Variants in TBCK observed in about 807,000 individuals in gnomAD.
The protein encoded by TBCK is TBC1 domain containing kinase.
In TBCK, 99 loss-of-function variants were observed where a neutral mutation model predicts 113.4. The observed-to-expected ratio is 0.87, with a 90% CI of 0.74 to 1.03. The LOEUF (loss-of-function observed/expected upper bound fraction) is 1.03, where lower values mean the gene tolerates loss of function less well. TBCK is among the 50% of genes least tolerant of loss of function. The pLI, the probability that TBCK is intolerant of heterozygous loss-of-function variation, is 0.00. For synonymous variants in TBCK, 369 were observed against 370.8 expected, an observed-to-expected ratio of 1.00 and a Z score of 0.05; for missense variants, 1,045 against 1,061.3, an observed-to-expected ratio of 0.98 and a Z score of 0.21.
intron 24 of TBCK, among the ~76,000 whole-genome samples, chr4:106,115,411 G>A (rs569542352): frequency 1.1e-4 from 17 of 152,202 alleles, no homozygotes; most frequent in Admixed American, 3.3e-4. Flanking sequence ...GCCAATTTTA[G>A]CATATAAGAA....
At chr4:106,210,582 T>A (rs986036331) in intron 20 of TBCK, among the ~76,000 whole-genome samples, 1 of 152,178 alleles carries the variant, frequency 6.6e-6, no homozygotes, top group Non-Finnish European at 1.5e-5. Context: ...TTAGAACACA[T>A]TTTAACTGAT....
intron 22 of TBCK, among the ~76,000 whole-genome samples, chr4:106,177,758 T>G (rs1453428219): frequency 6.6e-6 from 1 of 151,862 alleles, no homozygotes; most frequent in African/African-American, 2.4e-5. Context: ...TGGGAATTAG[T>G]GTGAGGCCTC....
intron 19 of TBCK, among the ~76,000 whole-genome samples, chr4:106,214,585 C>T (rs566385663): frequency 2.8e-4 from 43 of 151,850 alleles, no homozygotes; most frequent in African/African-American, 8.7e-4. Flanking sequence ...CGTCAGGAGC[C>T]GATGCGATCA....
intron 23 of TBCK, among the ~76,000 whole-genome samples, chr4:106,137,768 A>G (rs1386159571): frequency 7.1e-6 from 1 of 141,042 alleles, no homozygotes; most frequent in African/African-American, 2.5e-5. Context: ...TATGAAATAT[A>G]AAGAAAAGTA....
At chr4:106,256,270 C>CT (rs1346995134) in intron 5 of TBCK, among the ~76,000 whole-genome samples, 3 of 152,298 alleles carry the variant, frequency 2.0e-5, no homozygotes, top group Non-Finnish European at 2.9e-5. Flanking sequence ...ACCCAGGAAC[C>CT]TGTCTGACTC....
At chr4:106,239,897 C>T (rs771365044) in intron 12 of TBCK, among the ~76,000 whole-genome samples, 3 of 151,920 alleles carry the variant, frequency 2.0e-5, no homozygotes, top group Non-Finnish European at 4.4e-5. Context: ...TAGTATACCC[C>T]TGATACCAAA....
chr4:106,066,530 A>G (rs189563644), intron 25 of TBCK, among the ~76,000 whole-genome samples: 1 of 152,126 alleles, frequency 6.6e-6, no homozygotes, highest in Admixed American at 6.6e-5. Flanking sequence ...TAAAACATAT[A>G]TAACATAAAA....
At chr4:106,193,260 A>T (rs1434700118) in intron 22 of TBCK, among the ~76,000 whole-genome samples, 1 of 152,170 alleles carries the variant, frequency 6.6e-6, no homozygotes, top group Admixed American at 6.5e-5. Context: ...ATTCTTAAAC[A>T]CCTTCCCAAG....
chr4:106,120,032 T>A lies in TBCK; in HGVS notation c.2236-3654A>T, dbSNP rs988521126. On this transcript the variant is annotated intron_variant, in intron 23 of 25. Transcript: ENST00000394708. Reference sequence around the variant, plus strand: ...CTGAGCGACGCAGAAGATGGGTGATTTCTGCATTTCCATCTGAGGTACCGG... The same window carrying A: ...CTGAGCGACGCAGAAGATGGGTGATATCTGCATTTCCATCTGAGGTACCGG... Among the ~76,000 whole-genome samples, 7 of 152,176 alleles carry A rather than the reference T, an allele frequency of 4.6e-5. No individual in the cohort carries two copies. In the East Asian group the frequency reaches 9.7e-4, roughly 21 times the overall value.
chr4:106,166,121 T>C (rs1205940905), intron 23 of TBCK, among the ~76,000 whole-genome samples: 1 of 151,778 alleles, frequency 6.6e-6, no homozygotes, highest in Non-Finnish European at 1.5e-5. Context: ...ATATTCTTTT[T>C]ACAGCATGCA....
intron 19 of TBCK, among the ~76,000 whole-genome samples, chr4:106,222,996 A>T (rs1017715281): frequency 8.5e-5 from 13 of 152,146 alleles, no homozygotes; most frequent in Non-Finnish European, 1.5e-4. Context: ...GAGCCCACTT[A>T]ATAGTTATCA....
At chr4:106,149,046 A>G (rs1197382080) in intron 23 of TBCK, among the ~76,000 whole-genome samples, 2 of 152,148 alleles carry the variant, frequency 1.3e-5, no homozygotes, top group Non-Finnish European at 2.9e-5. Context: ...CTTTTCTTAA[A>G]TCTTATGAAC....
At chr4:106,197,836 T>C (rs916253671) in intron 20 of TBCK, among the ~76,000 whole-genome samples, 9 of 152,090 alleles carry the variant, frequency 5.9e-5, no homozygotes, top group Admixed American at 5.2e-4. Flanking sequence ...GTAAGTCTGA[T>C]AGATATTATT....
chr4:106,288,237 AC>A (rs1231549766), intron 3 of TBCK, among the ~76,000 whole-genome samples: 1 of 152,086 alleles, frequency 6.6e-6, no homozygotes, highest in Non-Finnish European at 1.5e-5. Context: ...GTACTAAAAT[AC>A]AAAAAATTAG....
At chr4:106,294,071 T>G (rs535328544) in intron 3 of TBCK, among the ~76,000 whole-genome samples, 2 of 152,222 alleles carry the variant, frequency 1.3e-5, no homozygotes, top group Non-Finnish European at 2.9e-5. Context: ...TTAAATTCTA[T>G]CCAAGCTATG....
In TBCK at chr4:106,134,986, T is replaced by C. The variant is rs184913879; in HGVS notation, c.2236-18608A>G. On this transcript the variant is annotated intron_variant, in intron 23 of 25. Coordinates refer to ENST00000394708, the MANE Select transcript of TBCK (RefSeq NM_001163435.3). ...GCTTGGTAGACTGTAGATCTTTACA[T>C]AAAATGTTATTAAAATTGGATCCCA... 5.8e-4 allele frequency among the ~76,000 whole-genome samples: 88 copies of C among 152,254 alleles called. 3 individuals are homozygous for C. Among genetic ancestry groups the C allele is most frequent in the Admixed American group, 1.7e-3 (26 of 15,290 alleles).
At chr4:106,187,399 C>T (rs1006443011) in intron 22 of TBCK, among the ~76,000 whole-genome samples, 2 of 151,428 alleles carry the variant, frequency 1.3e-5, no homozygotes, top group African/African-American at 2.4e-5. Context: ...TTGTTTGTGT[C>T]ATCTATGATT....
intron 20 of TBCK, among the ~76,000 whole-genome samples, chr4:106,205,238 A>T (rs1755337026): frequency 6.6e-6 from 1 of 152,216 alleles, no homozygotes; most frequent in African/African-American, 2.4e-5. Flanking sequence ...AATAAATGTG[A>T]TTTTAAAAAT....
At chr4:106,046,724 A>G in intron 25 of TBCK, 44 bp from the exon 26 acceptor site, 1 of 949,484 alleles carries the variant, frequency 1.1e-6, no homozygotes. Flanking sequence ...TATACAGAAG[A>G]CATCTCCAAC....
Sources: gnomAD v4.1 joint callset for allele counts (sites outside exome capture counted in the v4.1 genomes callset) on GRCh38, gnomAD v4.1.1 for gene constraint, MANE v1.5 for transcripts, NCBI Gene and HGNC (gene_info 2026-07-23, HGNC 2026-07-21) for gene names.